The following FADS6 variants were observed in gnomAD, a reference collection of about 807,000 sequenced individuals.
The protein encoded by FADS6 is fatty acid desaturase 6, also known as fatty acid desaturase domain family, member 6.
A neutral mutation model predicts 31.7 loss-of-function variants in FADS6; 28 were observed. The observed-to-expected ratio is 0.88, with a 90% CI of 0.66 to 1.21. FADS6 has a LOEUF of 1.21. Ranked by LOEUF, FADS6 falls within the 50% of genes most tolerant of loss-of-function variation. The pLI is 0.00. For missense variants in FADS6, 494 were observed against 504.2 expected, an observed-to-expected ratio of 0.98 and a Z score of 0.19; for synonymous variants, 191 against 213.1, an observed-to-expected ratio of 0.90 and a Z score of 0.90.
chr17:74,875,369 ATTAGACC>A, downstream of FADS6, among the ~76,000 whole-genome samples: 1 of 152,204 alleles, frequency 6.6e-6, no homozygotes, highest in Non-Finnish European at 1.5e-5. Context: ...GTCTCTGTAG[ATTAGACC>A]TTAAGTCTCT....
rs550933633 is a variant in FADS6 at position 74,888,151 on chromosome 17, C to T, written c.411+4372G>A. Among the ~76,000 whole-genome samples the T allele has an allele frequency of 8.2e-5, 9 of 109,274 alleles. No individual in the cohort carries two copies. The East Asian group carries it at 1.6e-3, about 20-fold the overall frequency. The allele number at this position is 109,274 out of a possible 152,430, so 71.7% of individuals were successfully genotyped here. On this transcript the variant is annotated intron_variant, in intron 2 of 5. Coordinates refer to ENST00000612771, the MANE Select transcript of FADS6 (RefSeq NM_178128.6). Reference sequence around the variant, plus strand: ...CCACACACACACACACACACACACACACACGCGCGCGCGCGCGCGCGCAGA... The same window carrying T: ...CCACACACACACACACACACACACATACACGCGCGCGCGCGCGCGCGCAGA...
chr17:74,875,930 G>A (rs1431935851), downstream of FADS6, among the ~76,000 whole-genome samples: 1 of 152,234 alleles, frequency 6.6e-6, no homozygotes, highest in Non-Finnish European at 1.5e-5. Flanking sequence ...TTTGTATACA[G>A]AGGTGTGAGC....
rs1204963548 is a variant in FADS6, at chr17:74,893,356, C to G, written c.240G>C (p.Pro80=). The part of the protein sequence containing the change: ...AILALSLFAL[P]AGFLCLRWEN... The stretch of plus-strand genomic sequence containing the variant: ...CCGGGTCCCCGCGTTCCTCACCTGC[C>G]GGCAAGGCGAAGAGGCTGAGCGCGA... Residue 80 remains proline (P), a synonymous_variant, in exon 1 of 6, where the codon CCG becomes CCC. Transcript: ENST00000612771. 2.0e-6 allele frequency: 3 copies of G among 1,518,142 alleles called. No individual in the cohort carries two copies. The highest frequency in any genetic ancestry group is 2.0e-5 in the Admixed American group (1 of 49,116). 94.0% of individuals were successfully genotyped at this position (1,518,142 alleles called of 1,614,324 possible). A position where few individuals can be genotyped will look rare whatever the true frequency, so the allele number is the denominator to read the frequency against.
intron 2 of FADS6, among the ~76,000 whole-genome samples, chr17:74,887,581 G>T (rs909677459): frequency 2.0e-5 from 3 of 152,218 alleles, no homozygotes; most frequent in Admixed American, 6.5e-5. Flanking sequence ...ACAAAGTGAG[G>T]GTAACAGTAG....
At chr17:74,879,326 C>A (rs544981331) in intron 5 of FADS6, 78 bp downstream of exon 5, 1 of 1,538,010 alleles carries the variant, frequency 6.5e-7, no homozygotes, top group Admixed American at 1.8e-5. Flanking sequence ...GTGAGCAACG[C>A]CCCCAGGCCG....
chr17:74,882,934 C>T, intron 2 of FADS6: 1 of 1,273,898 alleles, frequency 7.8e-7, no homozygotes, highest in Non-Finnish European at 1.1e-6. Context: ...TGACGAGGCT[C>T]TGCAAAGCAT....
downstream of FADS6, among the ~76,000 whole-genome samples, chr17:74,874,806 T>G (rs1432054696): frequency 6.6e-6 from 1 of 152,236 alleles, no homozygotes; most frequent in Non-Finnish European, 1.5e-5. Context: ...AATAAAACTT[T>G]ATTGGAAGAC....
chr17:74,885,618 C>G (rs1340173151), intron 2 of FADS6, among the ~76,000 whole-genome samples: 1 of 152,080 alleles, frequency 6.6e-6, no homozygotes, highest in Admixed American at 6.6e-5. Flanking sequence ...CTGCCCACCA[C>G]TCCTGCACCT....
At chr17:74,886,985 G>A (rs183230344) in intron 2 of FADS6, among the ~76,000 whole-genome samples, 2 of 151,562 alleles carry the variant, frequency 1.3e-5, no homozygotes, top group African/African-American at 4.8e-5. Context: ...CCTGTGCACT[G>A]TACGACATTT....
Position 74,877,688 on chromosome 17 carries a change from C to T in FADS6, c.*643G>A, listed in dbSNP as rs193179957. 2 of 985,484 alleles carry T rather than the reference C, an allele frequency of 2.0e-6. No individual in the cohort carries two copies. Among genetic ancestry groups the T allele is most frequent in the Non-Finnish European group, 2.4e-6 (2 of 829,940 alleles). The allele number at this position is 985,484 out of a possible 1,614,324, so 61.0% of individuals were successfully genotyped here. A position where few individuals can be genotyped will look rare whatever the true frequency, so the allele number is the denominator to read the frequency against. ...CCTGGGGAACCTTCTCCCCTCACTT[C>T]CCCTGGAGTTCCCTCCCGACAAAAC... On this transcript the variant is annotated 3_prime_UTR_variant, in exon 6 of 6. Coordinates refer to ENST00000612771, the MANE Select transcript of FADS6 (RefSeq NM_178128.6).
downstream of FADS6, among the ~76,000 whole-genome samples, chr17:74,874,906 G>A (rs1003722405): frequency 6.6e-6 from 1 of 152,038 alleles, no homozygotes; most frequent in Non-Finnish European, 1.5e-5. Context: ...CATATGGTTC[G>A]CAAAGCCCCA....
chr17:74,888,145 CACACACA>C (rs2038645677), intron 2 of FADS6, among the ~76,000 whole-genome samples: 1 of 108,772 alleles, frequency 9.2e-6, no homozygotes. Context: ...CACACACACA[CACACACA>C]CACGCGCGCG....
chr17:74,879,380 GC>G, intron 5 of FADS6, 23 bp downstream of exon 5: 2 of 1,607,894 alleles, frequency 1.2e-6, no homozygotes, highest in South Asian at 1.1e-5. Context: ...TTATTCCAGC[GC>G]CCCCAGCCCA....
chr17:74,878,258 C>G lies in FADS6; in HGVS notation c.*73G>C. On this transcript the variant is annotated 3_prime_UTR_variant, in exon 6 of 6. Transcript: ENST00000612771. ...CACCACCAGCCACTGAGCCACACCC[C>G]CTGGACCAGCAGCAGCAGGAGGGCC... 1.3e-6 allele frequency: 2 copies of G among 1,520,294 alleles called. No individual in the cohort carries two copies. Among genetic ancestry groups the G allele is most frequent in the Non-Finnish European group, 1.8e-6 (2 of 1,133,340 alleles). The allele number at this position is 1,520,294 out of a possible 1,614,324, so 94.2% of individuals were successfully genotyped here.
Position 74,893,431 on chromosome 17 carries a change from C to T in FADS6, c.165G>A (p.Val55=). 1 of 1,577,918 alleles carries T rather than the reference C, an allele frequency of 6.3e-7. No individual in the cohort carries two copies. The highest frequency in any genetic ancestry group is 8.6e-7 in the Non-Finnish European group (1 of 1,163,930). Residue 55 remains valine (V), a synonymous_variant, in exon 1 of 6, where the codon GTG becomes GTA. Coordinates refer to ENST00000612771, the MANE Select transcript of FADS6 (RefSeq NM_178128.6). The stretch of plus-strand genomic sequence containing the variant: ...GCTCCCACCAGGAGCTCGTCCTCAC[C>T]ACGTCCTGCACCAGCACCTCCAGCT... The part of the protein sequence containing the change: ...LRELEVLVQD[V]VRTSSWWERH...
At position 74,892,693 on chromosome 17, in the gene FADS6, C is replaced by A. The variant is rs762599411; in HGVS notation, c.245-4G>T. 2.5e-6 allele frequency: 4 copies of A among 1,608,636 alleles called. No individual in the cohort carries two copies. Among genetic ancestry groups the A allele is most frequent in the South Asian group, 1.1e-5 (1 of 90,582 alleles). ...TCCCAGCGCAGGCACAGGAAGCCTG[C>A]GTGGAGAGGAGGAAGAAGACGGGTC... On this transcript the variant is annotated splice_region_variant and splice_polypyrimidine_tract_variant and intron_variant, in intron 1 of 5. Transcript: ENST00000612771.
intron 2 of FADS6, among the ~76,000 whole-genome samples, chr17:74,890,044 T>TGAGG (rs1314951017): frequency 2.0e-5 from 3 of 152,102 alleles, no homozygotes; most frequent in African/African-American, 7.2e-5. Context: ...GCTGGCCTCA[T>TGAGG]GAGGGAGGTC....
Position 74,879,430 on chromosome 17 carries a change from T to G in FADS6, c.934A>C (p.Arg312=). The G allele has an allele frequency of 6.2e-7, 1 of 1,613,906 alleles. No individual in the cohort carries two copies. The highest frequency in any genetic ancestry group is 8.5e-7 in the Non-Finnish European group (1 of 1,179,880). The part of the protein sequence containing the change: ...SCHVEHHLFP[R]LSDNMCLKVK... ...TTCAGGCACATGTTATCAGAGAGCCTGGGGAATAGATGGTGTTCCACATGG... is the reference window on the plus strand; with the variant it reads ...TTCAGGCACATGTTATCAGAGAGCCGGGGGAATAGATGGTGTTCCACATGG... The change falls in exon 5 of 6, where the codon AGG becomes CGG. Residue 312 remains arginine (R), a synonymous_variant. Coordinates refer to ENST00000612771, the MANE Select transcript of FADS6 (RefSeq NM_178128.6).
chr17:74,887,059 C>CT (rs11385853), intron 2 of FADS6, among the ~76,000 whole-genome samples: 114 of 113,794 alleles, frequency 1.0e-3, no homozygotes, highest in African/African-American at 2.3e-3. Flanking sequence ...ACACTCCAGT[C>CT]TTTTTTTTTT....
Sources: allele counts gnomAD v4.1 joint callset (sites outside exome capture counted in the v4.1 genomes callset), GRCh38; gene constraint gnomAD v4.1.1; transcripts MANE v1.5; gene names NCBI Gene and HGNC (gene_info 2026-07-23, HGNC 2026-07-21).